Variants in TOX observed in about 807,000 individuals in gnomAD.
The protein encoded by TOX is thymocyte selection associated high mobility group box.
TOX carries 11 observed loss-of-function variants against 53.7 expected under a neutral mutation model. The ratio of observed to expected loss-of-function variants is 0.20; its 90% CI spans 0.13 to 0.34. The LOEUF is 0.34. Among genes scored for constraint, TOX ranks in the 10% least tolerant of loss-of-function variants. TOX has a pLI of 1.00. For synonymous variants in TOX, 225 were observed against 245.3 expected (o/e 0.92, Z 0.77); for missense variants, 570 against 664.6 (o/e 0.86, Z 1.56).
chr8:59,061,442 T>G (rs1319419663), intron 1 of TOX, among the ~76,000 whole-genome samples: 1 of 152,210 alleles, frequency 6.6e-6, no homozygotes, highest in Non-Finnish European at 1.5e-5. Flanking sequence ...AAAGATAACG[T>G]TCAGTAAAGG....
chr8:58,960,233 C>T (rs751458047), intron 1 of TOX, among the ~76,000 whole-genome samples: 1 of 152,106 alleles, frequency 6.6e-6, no homozygotes, highest in South Asian at 2.1e-4. Flanking sequence ...GTAATTAGTG[C>T]TCTAGTAATT....
intron 1 of TOX, among the ~76,000 whole-genome samples, chr8:59,074,510 C>T (rs1804258381): frequency 6.6e-6 from 1 of 151,882 alleles, no homozygotes; most frequent in Non-Finnish European, 1.5e-5. Flanking sequence ...ATCTGGCCCC[C>T]GACGGATGAA....
chr8:58,909,111 T>C (rs1267001634), intron 3 of TOX, among the ~76,000 whole-genome samples: 3 of 152,188 alleles, frequency 2.0e-5, no homozygotes, highest in East Asian at 3.9e-4. Flanking sequence ...AGGGAATTTT[T>C]TGAAAATACT....
chr8:58,828,372 C>G (rs182142791), intron 5 of TOX, among the ~76,000 whole-genome samples: 22 of 152,060 alleles, frequency 1.4e-4, no homozygotes, highest in Non-Finnish European at 2.6e-4. Context: ...GCATTTTGGT[C>G]TAATAAAAGC....
At chr8:59,056,431 G>GAAA (rs397697554) in intron 1 of TOX, among the ~76,000 whole-genome samples, 1,572 of 56,078 alleles carry the variant, frequency 0.028, 109 homozygotes, top group Middle Eastern at 0.083. Context: ...GGCCCTCTCC[G>GAAA]AAAAAAAAAA....
chr8:59,077,403 A>G (rs1320534872), intron 1 of TOX, among the ~76,000 whole-genome samples: 5 of 152,156 alleles, frequency 3.3e-5, no homozygotes, highest in Non-Finnish European at 7.4e-5. Flanking sequence ...GTGTCTTCTT[A>G]GGTTAGTTTT....
chr8:58,905,861 C>T (rs532303533), intron 3 of TOX, among the ~76,000 whole-genome samples: 3 of 152,260 alleles, frequency 2.0e-5, no homozygotes, highest in South Asian at 2.1e-4. Flanking sequence ...TTATGAAGAT[C>T]GGCGATGCAT....
At chr8:58,930,150 A>T (rs1002743088) in intron 3 of TOX, among the ~76,000 whole-genome samples, 2 of 152,236 alleles carry the variant, frequency 1.3e-5, no homozygotes, top group Admixed American at 6.5e-5. Flanking sequence ...TACTTTCTAT[A>T]AAACTGGAAT....
At position 58,994,535 on chromosome 8, in the gene TOX, T is replaced by C. The variant is rs572146869; in HGVS notation, c.103-34527A>G. ...AGTTCTACTGTCCAGAATGCTAAAT[T>C]TCTGTCCTGAATGACTGGTAATTTC... On this transcript the variant is annotated intron_variant, in intron 1 of 8. Transcript: ENST00000361421. Among the ~76,000 whole-genome samples, 49 of 152,220 alleles carry C rather than the reference T, an allele frequency of 3.2e-4. No individual in the cohort carries two copies. In the South Asian group the frequency reaches 7.9e-3, roughly 25 times the overall value.
At chr8:58,892,665 A>C (rs1585884444) in intron 3 of TOX, among the ~76,000 whole-genome samples, 1 of 152,312 alleles carries the variant, frequency 6.6e-6, no homozygotes, top group African/African-American at 2.4e-5. Flanking sequence ...AAGTTGAGTC[A>C]CATGCAGCCT....
At chr8:59,033,130 C>A (rs1024808575) in intron 1 of TOX, among the ~76,000 whole-genome samples, 3 of 152,126 alleles carry the variant, frequency 2.0e-5, no homozygotes, top group Admixed American at 1.3e-4. Flanking sequence ...TCTTAAGAAG[C>A]CTCTCCTCGT....
intron 1 of TOX, among the ~76,000 whole-genome samples, chr8:59,092,308 AT>A (rs1350478611): frequency 8.0e-5 from 9 of 111,980 alleles, no homozygotes; most frequent in South Asian, 6.8e-4. Flanking sequence ...TATATTATAT[AT>A]TATATATACA....
intron 3 of TOX, among the ~76,000 whole-genome samples, chr8:58,918,875 A>G (rs1812023740): frequency 6.6e-6 from 1 of 151,230 alleles, no homozygotes; most frequent in Non-Finnish European, 1.5e-5. Flanking sequence ...TACAAAATCA[A>G]TGTACAAAAA....
At chr8:58,922,743 A>G (rs1013913240) in intron 3 of TOX, among the ~76,000 whole-genome samples, 1 of 152,226 alleles carries the variant, frequency 6.6e-6, no homozygotes, top group African/African-American at 2.4e-5. Context: ...GATTTCAGGA[A>G]GTAACAATGC....
intron 3 of TOX, among the ~76,000 whole-genome samples, chr8:58,878,929 C>T (rs770366473): frequency 7.3e-5 from 11 of 151,684 alleles, no homozygotes; most frequent in East Asian, 1.9e-4. Flanking sequence ...GGTGTGGTGG[C>T]GCAAACCTGT....
At chr8:58,889,505 G>A (rs1427980565) in intron 3 of TOX, among the ~76,000 whole-genome samples, 1 of 152,050 alleles carries the variant, frequency 6.6e-6, no homozygotes, top group Non-Finnish European at 1.5e-5. Flanking sequence ...GGTGGTGGGG[G>A]TGAAAATGGG....
chr8:59,096,298 C>T (rs1385891621), intron 1 of TOX, among the ~76,000 whole-genome samples: 1 of 152,202 alleles, frequency 6.6e-6, no homozygotes, highest in South Asian at 2.1e-4. Flanking sequence ...TTGCTGAATC[C>T]TTATTATGCA....
At position 58,920,695 on chromosome 8, in the gene TOX, C is replaced by G. The variant is rs557897109; in HGVS notation, c.411+18607G>C. On this transcript the variant is annotated intron_variant, in intron 3 of 8. Transcript: ENST00000361421. Reference sequence around the variant, plus strand: ...CACAATGTGCACATGTACCCTAAAACTTAAAGTATAATAAAAAAAAAACAT... The same window carrying G: ...CACAATGTGCACATGTACCCTAAAAGTTAAAGTATAATAAAAAAAAAACAT... Among the ~76,000 whole-genome samples, 7 of 68,600 alleles carry G rather than the reference C, an allele frequency of 1.0e-4. No homozygotes were observed. The East Asian group carries it at 3.0e-3, about 29-fold the overall frequency. 45.0% of individuals were successfully genotyped at this position (68,600 alleles called of 152,430 possible). A position where few individuals can be genotyped will look rare whatever the true frequency, so the allele number is the denominator to read the frequency against.
intron 2 of TOX, among the ~76,000 whole-genome samples, chr8:58,948,495 A>C (rs964746099): frequency 6.6e-6 from 1 of 152,148 alleles, no homozygotes; most frequent in Non-Finnish European, 1.5e-5. Flanking sequence ...TGGCTAAAAA[A>C]ATCCCCAAGC....
Sources: allele counts gnomAD v4.1 joint callset (sites outside exome capture counted in the v4.1 genomes callset), GRCh38; gene constraint gnomAD v4.1.1; transcripts MANE v1.5; gene names NCBI Gene and HGNC (gene_info 2026-07-23, HGNC 2026-07-21).